The following DNAH2 variants were observed in gnomAD, a reference collection of about 807,000 sequenced individuals.
DNAH2 encodes dynein axonemal heavy chain 2, also known as axonemal beta dynein heavy chain 2.
DNAH2 carries 323 observed loss-of-function variants against 523.5 expected under a neutral mutation model. That is an observed-to-expected ratio of 0.62 (90% confidence interval 0.56 to 0.68). The LOEUF is 0.68. DNAH2 is among the 30% of genes least tolerant of loss of function. The pLI is 0.00. For synonymous variants in DNAH2, 2,093 were observed against 2,177.4 expected, an observed-to-expected ratio of 0.96 and a Z score of 1.08; for missense variants, 4,907 against 5,701.5, an observed-to-expected ratio of 0.86 and a Z score of 4.49.
rs907623554 is a variant in DNAH2, at chr17:7,816,273, A to G, written c.9730-298A>G. ...CTTGTGTGGCTTATTATGCTTCAAG[A>G]GGTCTCCGTCCCCTACCCAGCTACC... On this transcript the variant is annotated intron_variant, in intron 63 of 85. Transcript: ENST00000572933. 6.1e-5 allele frequency among the ~76,000 whole-genome samples: 9 copies of G among 146,924 alleles called. No individual in the cohort carries two copies. In the East Asian group the frequency reaches 1.8e-3, roughly 30 times the overall value.
intron 9 of DNAH2, 109 bp downstream of exon 9, chr17:7,740,047 C>A: frequency 3.5e-6 from 2 of 574,958 alleles, no homozygotes; most frequent in Non-Finnish European, 4.6e-6. Flanking sequence ...AAGGACAGAT[C>A]GGGATCAGGG....
At chr17:7,815,744 A>G (rs570600988) in intron 63 of DNAH2, among the ~76,000 whole-genome samples, 2 of 151,978 alleles carry the variant, frequency 1.3e-5, no homozygotes, top group Admixed American at 6.6e-5. Context: ...TCACACACAC[A>G]TATACAGGAT....
At chr17:7,749,592 GCTTAT>G (rs2075629132) in intron 12 of DNAH2, among the ~76,000 whole-genome samples, 2 of 152,042 alleles carry the variant, frequency 1.3e-5, no homozygotes, top group East Asian at 1.9e-4. Context: ...GATGTTTAGG[GCTTAT>G]CTTATTATGA....
rs755511753 is a variant in DNAH2 at position 7,821,352 on chromosome 17, T to C, written c.11125T>C (p.Phe3709Leu). Residue 3709 changes from phenylalanine to leucine, a missense_variant, in exon 73 of 86, where the codon TTT (phenylalanine) becomes CTT (leucine). This residue lies in a region of DNAH2 where 1,851 missense variants were observed against 2,139.4 expected (regional missense o/e 0.87). Coordinates refer to ENST00000572933, the MANE Select transcript of DNAH2 (RefSeq NM_020877.5). This position sits in a 1 kb window ranked among gnomAD's most constrained non-coding sequence, Gnocchi z 5.0. ...GCTCAACATGGATGAATACAACTTCTTTCTACGTGGGGGTGTGGTGAGTTG... is the reference window on the plus strand; with the variant it reads ...GCTCAACATGGATGAATACAACTTCCTTCTACGTGGGGGTGTGGTGAGTTG... ...GKLNMDEYNF[F>L]LRGGVVLDRE... 35 of 1,613,308 alleles carry C rather than the reference T, an allele frequency of 2.2e-5. No individual in the cohort carries two copies. The highest frequency in any genetic ancestry group is 5.0e-5 in the Admixed American group (3 of 59,948).
intron 18 of DNAH2, among the ~76,000 whole-genome samples, chr17:7,762,307 A>G (rs796875310): frequency 2.7e-5 from 4 of 146,772 alleles, no homozygotes; most frequent in African/African-American, 1.0e-4. Context: ...GGCTTCCTGG[A>G]GGAAGGGACT....
intron 73 of DNAH2, 77 bp from the exon 74 acceptor site, chr17:7,823,365 G>GAA: frequency 6.9e-7 from 1 of 1,443,324 alleles, no homozygotes; most frequent in Non-Finnish European, 9.5e-7. Context: ...GAGAGAGAGA[G>GAA]AGAGAGGAGA....
At chr17:7,814,779 G>A (rs896225773) in intron 63 of DNAH2, among the ~76,000 whole-genome samples, 1 of 152,196 alleles carries the variant, frequency 6.6e-6, no homozygotes, top group African/African-American at 2.4e-5. Context: ...GAACCCAGGA[G>A]GCAGAGGTTG....
chr17:7,801,926 G>A lies in DNAH2; in HGVS notation c.8881G>A (p.Ala2961Thr), dbSNP rs2077234806. The change falls in exon 58 of 86, where the codon GCT becomes ACT. Residue 2961 changes from alanine to threonine, a missense_variant. Physicochemically the swap from Ala to Thr is moderately conservative, Grantham distance 58. Transcript: ENST00000572933. Reference sequence around the variant, plus strand: ...CTTTGTCACTATGCACTGGTCAGTAGCTCAGTATTCCCAGAAGATGCTGTT... The same window carrying A: ...CTTTGTCACTATGCACTGGTCAGTAACTCAGTATTCCCAGAAGATGCTGTT... The part of the protein sequence containing the change: ...QIFVTMHWSV[A>T]QYSQKMLLEL... 2 of 1,614,240 alleles carry A rather than the reference G, an allele frequency of 1.2e-6. No individual in the cohort carries two copies. Among genetic ancestry groups the A allele is most frequent in the South Asian group, 1.1e-5 (1 of 91,088 alleles).
rs2076619533 is a variant in DNAH2 at position 7,782,149 on chromosome 17, T to C, written c.6129+982T>C. On this transcript the variant is annotated intron_variant, in intron 39 of 85. Transcript: ENST00000572933. ...GTTGTTGATCTTAAGGCAGTGAGGA[T>C]AGGAGATGAAACAACCCAAGTCTGA... 2.6e-5 allele frequency among the ~76,000 whole-genome samples: 4 copies of C among 152,090 alleles called. No homozygotes were observed. The South Asian group carries it at 8.3e-4, about 32-fold the overall frequency.
intron 12 of DNAH2, among the ~76,000 whole-genome samples, chr17:7,752,160 T>TACACACACACACACACACACAC (rs1555544463): frequency 4.8e-5 from 6 of 124,946 alleles, no homozygotes; most frequent in Admixed American, 8.3e-5. Context: ...TAAGTCATTT[T>TACACACACACACACACACACAC]ACACACACAC....
At chr17:7,764,600 A>G (rs1174579546) in intron 20 of DNAH2, among the ~76,000 whole-genome samples, 1 of 151,436 alleles carries the variant, frequency 6.6e-6, no homozygotes, top group Admixed American at 6.6e-5. Flanking sequence ...AGCTGGGAAC[A>G]CAGGCACACG....
chr17:7,831,839 C>G lies in DNAH2; in HGVS notation c.12726+64C>G. On this transcript the variant is annotated intron_variant, in intron 82 of 85. Coordinates refer to ENST00000572933, the MANE Select transcript of DNAH2 (RefSeq NM_020877.5). The surrounding 1 kb of genome is among the most constrained non-coding windows in gnomAD (Gnocchi z 4.2). ...GCTCCCCTCTCAATCCTGGGCCCCCCAATCTCCTGGTTCTAGGTGGGCATA... is the reference window on the plus strand; with the variant it reads ...GCTCCCCTCTCAATCCTGGGCCCCCGAATCTCCTGGTTCTAGGTGGGCATA... 1 of 1,464,570 alleles carries G rather than the reference C, an allele frequency of 6.8e-7. No homozygotes were observed. The highest frequency in any genetic ancestry group is 9.4e-7 in the Non-Finnish European group (1 of 1,064,280). 90.7% of individuals were successfully genotyped at this position (1,464,570 alleles called of 1,614,324 possible).
chr17:7,768,410 CTTT>C, intron 24 of DNAH2, 143 bp downstream of exon 24: 1 of 802,568 alleles, frequency 1.2e-6, no homozygotes, highest in Non-Finnish European at 1.9e-6. Context: ...TCTCTTTCCT[CTTT>C]TTAACATTTA....
At position 7,797,382 on chromosome 17, in the gene DNAH2, C is replaced by T. The variant is rs1471152238; in HGVS notation, c.7950-18C>T. 4.3e-6 allele frequency: 7 copies of T among 1,614,010 alleles called. No homozygotes were observed. In the African/African-American group the frequency reaches 9.3e-5, roughly 22 times the overall value. ...CTCCTCTTTATTCCCCGATCTCACC[C>T]CAGTTCCCTGCCCACAGAGTCTTCT... On this transcript the variant is annotated intron_variant, in intron 51 of 85. Transcript: ENST00000572933.
intron 12 of DNAH2, among the ~76,000 whole-genome samples, chr17:7,750,167 A>G (rs2075645269): frequency 6.6e-6 from 1 of 152,096 alleles, no homozygotes; most frequent in Non-Finnish European, 1.5e-5. Context: ...TACAGGTGTG[A>G]GCCATTGTGC....
chr17:7,766,984 G>A (rs1016197502), intron 22 of DNAH2, among the ~76,000 whole-genome samples: 5 of 151,948 alleles, frequency 3.3e-5, no homozygotes, highest in East Asian at 1.9e-4. Flanking sequence ...AATTCGTGAC[G>A]TTTAGTAATT....
chr17:7,762,928 A>G (rs1463790789), intron 18 of DNAH2, among the ~76,000 whole-genome samples: 1 of 151,122 alleles, frequency 6.6e-6, no homozygotes, highest in African/African-American at 2.4e-5. Context: ...AGGTCATAGA[A>G]CTAGGAAGCA....
chr17:7,721,672 G>C (rs2074612940), intron 2 of DNAH2, among the ~76,000 whole-genome samples: 1 of 152,158 alleles, frequency 6.6e-6, no homozygotes, highest in African/African-American at 2.4e-5. Context: ...TGTTCCTCAT[G>C]GTCTTTTGGT....
chr17:7,799,685 G>A (rs992330391), intron 56 of DNAH2, among the ~76,000 whole-genome samples: 1 of 152,026 alleles, frequency 6.6e-6, no homozygotes, highest in Admixed American at 6.5e-5. Flanking sequence ...GCATGGTGGC[G>A]GGGGCGCCTG....
Sources: gnomAD v4.1 joint callset for allele counts (sites outside exome capture counted in the v4.1 genomes callset) on GRCh38, gnomAD v4.1.1 for gene constraint, gnomAD v4.1.1 regional missense constraint, Gnocchi (gnomAD v3.1) non-coding constraint, MANE v1.5 for transcripts, NCBI Gene and HGNC (gene_info 2026-07-23, HGNC 2026-07-21) for gene names.